Variants in PCDHGA3 observed in about 807,000 individuals in gnomAD.
PCDHGA3 encodes the protein protocadherin gamma-A3.
PCDHGA3 carries 40 observed loss-of-function variants against 58.5 expected under a neutral mutation model. That is an observed-to-expected ratio of 0.68 (90% CI 0.53 to 0.89). PCDHGA3 has a LOEUF of 0.89. PCDHGA3 is among the 40% of genes least tolerant of loss of function. The pLI, the probability that PCDHGA3 is intolerant of heterozygous loss-of-function variation, is 0.00. For synonymous variants in PCDHGA3, 530 were observed against 525.7 expected, an observed-to-expected ratio of 1.01 and a Z score of -0.11; for missense variants, 1,223 against 1,195.9, an observed-to-expected ratio of 1.02 and a Z score of -0.33.
At chr5:141,364,986 A>C (rs1223018710) in intron 1 of PCDHGA3, 1 of 1,613,768 alleles carries the variant, frequency 6.2e-7, no homozygotes. Context: ...GATGGCGGAG[A>C]CCCGGTACTC....
At chr5:141,404,323 C>G (rs777252767) in intron 1 of PCDHGA3, 24 of 1,613,756 alleles carry the variant, frequency 1.5e-5, no homozygotes, top group Non-Finnish European at 2.0e-5. Flanking sequence ...AAGCCTCCTA[C>G]TCAGTCTACC....
intron 1 of PCDHGA3, among the ~76,000 whole-genome samples, chr5:141,452,835 C>A (rs2098750110): frequency 6.6e-6 from 1 of 152,154 alleles, no homozygotes; most frequent in Admixed American, 6.5e-5. Flanking sequence ...TCACTTGGTC[C>A]AGCCCACACT....
intron 1 of PCDHGA3, among the ~76,000 whole-genome samples, chr5:141,466,506 G>A (rs1417729031): frequency 6.6e-6 from 1 of 152,156 alleles, no homozygotes; most frequent in Non-Finnish European, 1.5e-5. Context: ...GCACAGACAA[G>A]ATCATTTTTT....
At chr5:141,461,825 T>C (rs2099024418) in intron 1 of PCDHGA3, among the ~76,000 whole-genome samples, 1 of 151,778 alleles carries the variant, frequency 6.6e-6, no homozygotes, top group African/African-American at 2.4e-5. Context: ...AGCTAATTTT[T>C]TTTTCTTTTT....
At chr5:141,351,377 G>A (rs766622647) in intron 1 of PCDHGA3, 10 of 1,612,344 alleles carry the variant, frequency 6.2e-6, no homozygotes, top group Non-Finnish European at 8.5e-6. Flanking sequence ...CAAGGATTCT[G>A]GGCAAAATGG....
intron 2 of PCDHGA3, among the ~76,000 whole-genome samples, chr5:141,504,341 CTTTGTGCTAGGT>C (rs963088433): frequency 3.9e-5 from 6 of 152,020 alleles, no homozygotes; most frequent in African/African-American, 1.4e-4. Flanking sequence ...AAGTGCTAGG[CTTTGTGCTAGGT>C]GCTTCAGTAG....
At chr5:141,385,397 A>T (rs1023066700) in intron 1 of PCDHGA3, 2 of 1,492,858 alleles carry the variant, frequency 1.3e-6, no homozygotes, top group Non-Finnish European at 1.8e-6. Flanking sequence ...TGCAAAACAA[A>T]TGTTTTGAAA....
intron 2 of PCDHGA3, among the ~76,000 whole-genome samples, chr5:141,502,428 A>C (rs2099814217): frequency 6.6e-6 from 1 of 151,978 alleles, no homozygotes; most frequent in South Asian, 2.1e-4. Flanking sequence ...CTATTCTCTG[A>C]TGGTTAGATT....
At chr5:141,388,460 T>G in intron 1 of PCDHGA3, 1 of 1,613,854 alleles carries the variant, frequency 6.2e-7, no homozygotes. Flanking sequence ...GTAAATACCC[T>G]GAGATGGTAT....
At chr5:141,360,266 A>G (rs1187261942) in intron 1 of PCDHGA3, 10 of 1,613,538 alleles carry the variant, frequency 6.2e-6, no homozygotes, top group Non-Finnish European at 8.5e-6. Context: ...CTGGCCAAAA[A>G]CTCGGTCGTA....
Position 141,431,010 on chromosome 5 carries a change from T to G in PCDHGA3, c.2425-63797T>G. 2 of 1,613,972 alleles carry G rather than the reference T, an allele frequency of 1.2e-6. No individual in the cohort carries two copies. The highest frequency in any genetic ancestry group is 1.7e-6 in the Non-Finnish European group (2 of 1,179,964). The stretch of plus-strand genomic sequence containing the variant: ...GCCCTGAATCCGCGCAGCGGCAGCT[T>G]GGTCACGGCGGGCAGGATAGACCGG... On this transcript the variant is annotated intron_variant, in intron 1 of 3. Transcript: ENST00000253812. The surrounding 1 kb of genome is among the most constrained non-coding windows in gnomAD (Gnocchi z 4.8).
chr5:141,462,253 A>C (rs7717600), intron 1 of PCDHGA3, among the ~76,000 whole-genome samples: 42,489 of 152,124 alleles, frequency 0.28, 6,669 homozygotes, highest in African/African-American at 0.43. Context: ...AGCCACCATG[A>C]CCAGCCTAAA....
chr5:141,405,800 C>T (rs1034546914), intron 1 of PCDHGA3, among the ~76,000 whole-genome samples: 11 of 147,346 alleles, frequency 7.5e-5, no homozygotes, highest in African/African-American at 2.5e-4. Flanking sequence ...TTATAGTTAG[C>T]TTTCTCTTTA....
rs977174958 is a variant in PCDHGA3, at chr5:141,394,524, G to C, written c.2424+48067G>C. 3.7e-6 allele frequency: 6 copies of C among 1,614,096 alleles called. No homozygotes were observed. The African/African-American group carries it at 6.7e-5, about 18-fold the overall frequency. ...CCTGTACCCCGCCCTCCCCACAGAC[G>C]GTTCCACTGGCGTGGAGCTGGCGCC... On this transcript the variant is annotated intron_variant, in intron 1 of 3. Coordinates refer to ENST00000253812, the MANE Select transcript of PCDHGA3 (RefSeq NM_018916.4).
chr5:141,346,523 A>T (rs1022933265), intron 1 of PCDHGA3, 66 bp downstream of exon 1: 4 of 1,588,136 alleles, frequency 2.5e-6, no homozygotes, highest in Non-Finnish European at 3.4e-6. Context: ...TAAAGCTTTA[A>T]CACATATGTA....
chr5:141,489,530 G>C lies in PCDHGA3; in HGVS notation c.2425-5277G>C, dbSNP rs751249228. 17 of 1,614,092 alleles carry C rather than the reference G, an allele frequency of 1.1e-5. 1 individual carries two copies. In the South Asian group the frequency reaches 1.9e-4, roughly 18 times the overall value. ...AAGATTGACCGAGAAAGCCTATGTG[G>C]AGCCAGCACCAGCTGCCTGCTGCCA... On this transcript the variant is annotated intron_variant, in intron 1 of 3. Coordinates refer to ENST00000253812, the MANE Select transcript of PCDHGA3 (RefSeq NM_018916.4). The surrounding 1 kb of genome is among the most constrained non-coding windows in gnomAD (Gnocchi z 4.5).
chr5:141,421,342 G>A (rs199737254), intron 1 of PCDHGA3: 25 of 1,613,872 alleles, frequency 1.5e-5, no homozygotes, highest in Non-Finnish European at 1.9e-5. Context: ...GGTGCCAGAA[G>A]AGACCGAAAA....
intron 1 of PCDHGA3, chr5:141,415,738 A>G (rs2095905853): frequency 5.6e-6 from 3 of 538,228 alleles, no homozygotes; most frequent in South Asian, 3.9e-5. Context: ...ATGTTTATTA[A>G]GGTTTTTTTT....
At chr5:141,374,865 T>C (rs759726307) in intron 1 of PCDHGA3, 2 of 1,613,676 alleles carry the variant, frequency 1.2e-6, no homozygotes, top group African/African-American at 1.3e-5. Flanking sequence ...GGCACACCAG[T>C]GTTGGCAGTG....
Sources: allele counts gnomAD v4.1 joint callset (sites outside exome capture counted in the v4.1 genomes callset), GRCh38; gene constraint gnomAD v4.1.1; non-coding constraint Gnocchi (gnomAD v3.1); transcripts MANE v1.5; gene names NCBI Gene and HGNC (gene_info 2026-07-23, HGNC 2026-07-21).